The following TUSC3 variants were observed in gnomAD, a reference collection of about 807,000 sequenced individuals.
The protein encoded by TUSC3 is dolichyl-diphosphooligosaccharide--protein glycosyltransferase subunit TUSC3.
Under a neutral mutation model 44.8 loss-of-function variants are expected in TUSC3, and 45 were observed. The observed-to-expected ratio is 1.00, with a 90% confidence interval of 0.79 to 1.29. The LOEUF (loss-of-function observed/expected upper bound fraction) is 1.29, where lower values mean the gene tolerates loss of function less well. Among genes scored for constraint, TUSC3 ranks in the 50% most tolerant of loss-of-function variants. The probability of loss-of-function intolerance (pLI) is 0.00; values close to 1 mark genes in which losing one functional copy is unlikely to be tolerated. For missense variants in TUSC3, 519 were observed against 437.9 expected, an observed-to-expected ratio of 1.19 and a Z score of -1.65; for synonymous variants, 212 against 152.9, an observed-to-expected ratio of 1.39 and a Z score of -2.85.
chr8:15,436,676 C>CA (rs1799949403), intron 1 of TUSC3, among the ~76,000 whole-genome samples: 1 of 150,062 alleles, frequency 6.7e-6, no homozygotes, highest in South Asian at 2.1e-4. Flanking sequence ...TAATTACCTG[C>CA]AAAAAACCCA....
intron 7 of TUSC3, among the ~76,000 whole-genome samples, chr8:15,739,440 G>A (rs1179617304): frequency 6.6e-6 from 1 of 151,924 alleles, no homozygotes; most frequent in Admixed American, 6.6e-5. Context: ...TTGACTTGGG[G>A]TTTCTGTTCC....
At chr8:15,480,597 T>C (rs1800645171) in intron 1 of TUSC3, among the ~76,000 whole-genome samples, 1 of 152,216 alleles carries the variant, frequency 6.6e-6, no homozygotes, top group Non-Finnish European at 1.5e-5. Context: ...AGCCATGCCA[T>C]GGACATGTGA....
Position 15,618,072 on chromosome 8 carries a change from T to A in TUSC3, c.139-5008T>A, listed in dbSNP as rs527386776. Among the ~76,000 whole-genome samples, 3 of 151,894 alleles carry A rather than the reference T, an allele frequency of 2.0e-5. No individual in the cohort carries two copies. The East Asian group carries it at 5.8e-4, about 29-fold the overall frequency. ...TACAGCAAAGATATGGTATAAAAGGTAAAAAAAATGGTCCACCTGTCTAGG... is the reference window on the plus strand; with the variant it reads ...TACAGCAAAGATATGGTATAAAAGGAAAAAAAAATGGTCCACCTGTCTAGG... On this transcript the variant is annotated intron_variant, in intron 1 of 10. Coordinates refer to ENST00000503731, the MANE Select transcript of TUSC3 (RefSeq NM_006765.4).
At chr8:15,705,415 ATATAG>A (rs1809576390) in intron 6 of TUSC3, among the ~76,000 whole-genome samples, 5 of 152,130 alleles carry the variant, frequency 3.3e-5, no homozygotes, top group Admixed American at 3.3e-4. Context: ...ATCAGAATGA[ATATAG>A]TATTCTATTA....
intron 2 of TUSC3, among the ~76,000 whole-genome samples, chr8:15,505,916 C>A (rs909446037): frequency 6.6e-6 from 1 of 152,120 alleles, no homozygotes; most frequent in Non-Finnish European, 1.5e-5. Context: ...CTTGCCCAAT[C>A]TGGTCATACA....
At chr8:15,627,243 C>G (rs1805555575) in intron 2 of TUSC3, among the ~76,000 whole-genome samples, 1 of 152,174 alleles carries the variant, frequency 6.6e-6, no homozygotes, top group African/African-American at 2.4e-5. Flanking sequence ...GCTCTTTCTG[C>G]TGAGAGCTGA....
chr8:15,626,597 ACT>A (rs1478891057), intron 2 of TUSC3, among the ~76,000 whole-genome samples: 1 of 151,748 alleles, frequency 6.6e-6, no homozygotes, highest in African/African-American at 2.4e-5. Flanking sequence ...ATCTCTCTGC[ACT>A]CTCAGTGGCC....
chr8:15,816,019 A>T, the TUSC3 span, among the ~76,000 whole-genome samples: 8 of 152,150 alleles, frequency 5.3e-5, no homozygotes, highest in African/African-American at 1.9e-4. Flanking sequence ...GGTACTAGAT[A>T]TATTAAATCC....
At chr8:15,565,560 C>G (rs1219057393) in intron 1 of TUSC3, among the ~76,000 whole-genome samples, 1 of 152,124 alleles carries the variant, frequency 6.6e-6, no homozygotes, top group Non-Finnish European at 1.5e-5. Context: ...AGAAATTCAC[C>G]AGGCTCTTGA....
At chr8:15,849,039 G>T in the TUSC3 span, among the ~76,000 whole-genome samples, 2 of 152,124 alleles carry the variant, frequency 1.3e-5, no homozygotes, top group African/African-American at 4.8e-5. Context: ...TAAAGTAAGA[G>T]CTCAAATTCT....
intron 2 of TUSC3, among the ~76,000 whole-genome samples, chr8:15,499,295 C>T (rs1334775733): frequency 1.3e-5 from 2 of 152,136 alleles, no homozygotes; most frequent in Non-Finnish European, 2.9e-5. Context: ...CTTTTCAAAC[C>T]ATAAAAGGCA....
intron 6 of TUSC3, among the ~76,000 whole-genome samples, chr8:15,712,235 CATG>C (rs1370171742): frequency 6.6e-6 from 1 of 151,966 alleles, no homozygotes; most frequent in African/African-American, 2.4e-5. Flanking sequence ...CGTCTTCAGA[CATG>C]ATATAAATTT....
intron 6 of TUSC3, among the ~76,000 whole-genome samples, chr8:15,692,389 T>G (rs1366381270): frequency 2.1e-5 from 3 of 145,048 alleles, no homozygotes; most frequent in Admixed American, 6.9e-5. Flanking sequence ...TTTTTTTTTT[T>G]TTTTTTTTTT....
the TUSC3 span, among the ~76,000 whole-genome samples, chr8:15,774,909 A>G: frequency 1.3e-5 from 2 of 152,132 alleles, no homozygotes; most frequent in Admixed American, 1.3e-4. Flanking sequence ...TTTGGAAACA[A>G]ATTAGTAGTT....
intron 2 of TUSC3, among the ~76,000 whole-genome samples, chr8:15,532,236 A>G (rs1166615391): frequency 6.6e-6 from 1 of 152,154 alleles, no homozygotes; most frequent in Non-Finnish European, 1.5e-5. Context: ...GAAATTTTAA[A>G]GAATAACAGA....
intron 1 of TUSC3, among the ~76,000 whole-genome samples, chr8:15,471,729 C>T (rs1043756274): frequency 2.6e-5 from 4 of 151,776 alleles, no homozygotes; most frequent in African/African-American, 9.7e-5. Flanking sequence ...GCTATTCTCC[C>T]GCCTCACCCT....
chr8:15,479,987 A>C (rs1035169567), intron 1 of TUSC3, among the ~76,000 whole-genome samples: 1 of 152,190 alleles, frequency 6.6e-6, no homozygotes, highest in Non-Finnish European at 1.5e-5. Context: ...AGAAATCACA[A>C]GCATTCCATA....
At chr8:15,466,920 G>A (rs17576901) in intron 1 of TUSC3, among the ~76,000 whole-genome samples, 16 of 152,054 alleles carry the variant, frequency 1.1e-4, no homozygotes, top group African/African-American at 3.6e-4. Context: ...TTATGTAAAA[G>A]ATTTCTTTCC....
the TUSC3 span, among the ~76,000 whole-genome samples, chr8:15,784,481 C>T: frequency 2.7e-5 from 4 of 150,852 alleles, no homozygotes; most frequent in East Asian, 2.0e-4. Flanking sequence ...TGAATGGATT[C>T]GAAAAATGTT....
Sources: gnomAD v4.1 joint callset for allele counts (sites outside exome capture counted in the v4.1 genomes callset) on GRCh38, gnomAD v4.1.1 for gene constraint, MANE v1.5 for transcripts, NCBI Gene and HGNC (gene_info 2026-07-23, HGNC 2026-07-21) for gene names.